Variants in CYFIP1 observed in about 807,000 individuals in gnomAD.
The protein encoded by CYFIP1 is cytoplasmic FMR1 interacting protein 1.
Under a neutral mutation model 163.5 loss-of-function variants are expected in CYFIP1, and 58 were observed. The ratio of observed to expected loss-of-function variants is 0.35; its 90% CI spans 0.29 to 0.44. The LOEUF (loss-of-function observed/expected upper bound fraction) is 0.44. Among genes scored for constraint, CYFIP1 ranks in the 20% least tolerant of loss-of-function variants. CYFIP1 has a pLI of 1.00. For missense variants in CYFIP1, 1,338 were observed against 1,653.8 expected, an observed-to-expected ratio of 0.81 and a Z score of 3.31; for synonymous variants, 663 against 660.7, an observed-to-expected ratio of 1.00 and a Z score of -0.05.
Position 22,874,630 on chromosome 15 carries a change from C to T in CYFIP1, c.3130G>A (p.Asp1044Asn), listed in dbSNP as rs2059531570. Reference sequence around the variant, plus strand: ...GATTCTAGTCTTTTCATTTTGGCATCAAGTCTCTCCCCCTCTGCAGTAGAA... The same window carrying T: ...GATTCTAGTCTTTTCATTTTGGCATTAAGTCTCTCCCCCTCTGCAGTAGAA... ...RVHVKEGERL[D>N]AKMKRLESKY... Residue 1044 changes from aspartate to asparagine, a missense_variant, in exon 28 of 31, where the codon GAT becomes AAT. Around this residue, in one of 4 missense-constraint regions of CYFIP1, gnomAD observed 306 missense variants for 322.1 expected, o/e 0.95. Transcript: ENST00000617928. 6.2e-7 allele frequency: 1 copy of T among 1,601,268 alleles called. No homozygotes were observed.
chr15:22,919,801 T>G (rs1880378939), intron 13 of CYFIP1, among the ~76,000 whole-genome samples: 1 of 152,016 alleles, frequency 6.6e-6, no homozygotes, highest in South Asian at 2.1e-4. Context: ...GGCGGGAGAA[T>G]CACTTGAGAC....
chr15:22,952,229 G>A (rs1303957626), intron 1 of CYFIP1, among the ~76,000 whole-genome samples: 2 of 152,122 alleles, frequency 1.3e-5, no homozygotes. Flanking sequence ...GGGGCTGCGT[G>A]CTGGGCTGGG....
chr15:22,941,754 A>G (rs1272084176), intron 6 of CYFIP1, among the ~76,000 whole-genome samples: 3 of 152,074 alleles, frequency 2.0e-5, no homozygotes, highest in Admixed American at 1.3e-4. Context: ...CAGCAGCCCC[A>G]TCTGTAAACT....
chr15:22,881,733 G>T, intron 25 of CYFIP1, 113 bp downstream of exon 25: 2 of 982,342 alleles, frequency 2.0e-6, no homozygotes, highest in Non-Finnish European at 3.1e-6. Flanking sequence ...GCATTTGTCT[G>T]TCTACTGCCT....
intron 1 of CYFIP1, among the ~76,000 whole-genome samples, chr15:22,959,534 G>A (rs1452109983): frequency 2.0e-5 from 3 of 152,318 alleles, no homozygotes; most frequent in Non-Finnish European, 4.4e-5. Context: ...GGGCAGTCCC[G>A]CCTGCTCAGG....
rs544351927 is a variant in CYFIP1 at position 22,936,631 on chromosome 15, C to T, written c.900+473G>A. On this transcript the variant is annotated intron_variant, in intron 9 of 30. Transcript: ENST00000617928. ...CACTGAAAACAGATCAGGCCTGTGA[C>T]CCCCGGTCCCTCTCCTGGGTATGCA... Among the ~76,000 whole-genome samples, 12 of 152,264 alleles carry T rather than the reference C, an allele frequency of 7.9e-5. No homozygotes were observed. In the South Asian group the frequency reaches 2.5e-3, roughly 32 times the overall value.
intron 1 of CYFIP1, among the ~76,000 whole-genome samples, chr15:22,958,144 G>A (rs1205897599): frequency 2.0e-5 from 3 of 149,828 alleles, no homozygotes; most frequent in Admixed American, 6.6e-5. Context: ...CACCCGGGCT[G>A]GCGCAATCTC....
chr15:22,943,438 C>T (rs1006536638), intron 5 of CYFIP1, 84 bp from the exon 6 acceptor site: 2 of 1,424,804 alleles, frequency 1.4e-6, no homozygotes, highest in African/African-American at 2.8e-5. Context: ...CCTGCAGTCA[C>T]TGCTCCTCGA....
intron 16 of CYFIP1, among the ~76,000 whole-genome samples, chr15:22,915,259 T>G (rs1386806655): frequency 6.6e-6 from 1 of 151,958 alleles, no homozygotes; most frequent in African/African-American, 2.4e-5. Context: ...GCCTCCCAAG[T>G]AGCTGAGAAC....
chr15:22,939,329 C>G lies in CYFIP1; in HGVS notation c.667-9G>C, dbSNP rs780021089. The G allele has an allele frequency of 6.2e-7, 1 of 1,614,148 alleles. No homozygotes were observed. The highest frequency in any genetic ancestry group is 1.7e-5 in the Admixed American group (1 of 60,006). ...AGCTGCTGCTGCAGAGACTGAAACA[C>G]AGAGCAAGAGACTCATGCATGGGCC... On this transcript the variant is annotated splice_polypyrimidine_tract_variant and intron_variant, in intron 7 of 30. Transcript: ENST00000617928.
At chr15:22,975,209 C>T (rs1219194783) in intron 1 of CYFIP1, among the ~76,000 whole-genome samples, 6 of 152,042 alleles carry the variant, frequency 3.9e-5, no homozygotes, top group Non-Finnish European at 8.8e-5. Flanking sequence ...GCAGGCTATT[C>T]GTAGTTTTAA....
At chr15:22,962,378 T>G (rs1287464162) in intron 1 of CYFIP1, among the ~76,000 whole-genome samples, 2 of 151,086 alleles carry the variant, frequency 1.3e-5, no homozygotes, top group Non-Finnish European at 2.9e-5. Flanking sequence ...AAACTGTATC[T>G]CATCTATATT....
At chr15:22,970,747 G>A (rs1034896074) in intron 1 of CYFIP1, among the ~76,000 whole-genome samples, 1 of 152,154 alleles carries the variant, frequency 6.6e-6, no homozygotes, top group East Asian at 1.9e-4. Flanking sequence ...ACACATACAT[G>A]AATTATGTTG....
chr15:22,940,120 T>C (rs1567004228), intron 6 of CYFIP1, among the ~76,000 whole-genome samples: 1 of 151,806 alleles, frequency 6.6e-6, no homozygotes, highest in African/African-American at 2.4e-5. Context: ...AAGGTGGGGG[T>C]GTGAGGATTC....
chr15:22,955,279 G>C (rs1022970995), intron 1 of CYFIP1, among the ~76,000 whole-genome samples: 2 of 152,202 alleles, frequency 1.3e-5, no homozygotes, highest in Non-Finnish European at 2.9e-5. Flanking sequence ...ATGAGTGGAG[G>C]GAGGCTGGAT....
intron 1 of CYFIP1, among the ~76,000 whole-genome samples, chr15:22,953,293 C>T (rs550566305): frequency 1.1e-4 from 17 of 152,282 alleles, no homozygotes; most frequent in African/African-American, 3.8e-4. Context: ...ATGTCTCATC[C>T]CATCTTGTTC....
chr15:22,957,419 G>A (rs1214860905), intron 1 of CYFIP1, among the ~76,000 whole-genome samples: 2 of 152,118 alleles, frequency 1.3e-5, no homozygotes, highest in African/African-American at 4.8e-5. Context: ...GGTGGATCAC[G>A]AGGTCAGGAG....
At chr15:22,878,911 T>G (rs1350270732) in intron 26 of CYFIP1, among the ~76,000 whole-genome samples, 1 of 151,362 alleles carries the variant, frequency 6.6e-6, no homozygotes, top group Non-Finnish European at 1.5e-5. Context: ...CCAAGGCGGG[T>G]GGATCACAAA....
At chr15:22,875,679 C>A (rs2059561078) in intron 26 of CYFIP1, among the ~76,000 whole-genome samples, 1 of 151,826 alleles carries the variant, frequency 6.6e-6, no homozygotes, top group African/African-American at 2.4e-5. Context: ...TGACAAGATC[C>A]CACCACACTG....
Sources: allele counts gnomAD v4.1 joint callset (sites outside exome capture counted in the v4.1 genomes callset), GRCh38; gene constraint gnomAD v4.1.1; regional missense constraint gnomAD v4.1.1; transcripts MANE v1.5; gene names NCBI Gene and HGNC (gene_info 2026-07-23, HGNC 2026-07-21).